TMEM178B: variants seen among roughly 807,000 people sequenced by gnomAD.
TMEM178B encodes transmembrane protein 178B.
Under a neutral mutation model 31.0 loss-of-function variants are expected in TMEM178B, and 5 were observed. The ratio of observed to expected loss-of-function variants is 0.16; its 90% CI spans 0.08 to 0.34. TMEM178B has a LOEUF of 0.34. Among genes scored for constraint, TMEM178B ranks in the 10% least tolerant of loss-of-function variants. The pLI is 1.00. For missense variants in TMEM178B, 275 were observed against 400.3 expected (o/e 0.69, Z 2.67); for synonymous variants, 164 against 164.0 (o/e 1.00, Z 0.00).
chr7:141,402,380 G>A (rs1051720706), intron 2 of TMEM178B, among the ~76,000 whole-genome samples: 7 of 152,170 alleles, frequency 4.6e-5, no homozygotes, highest in Non-Finnish European at 1.0e-4. Flanking sequence ...ATGGGAGTCC[G>A]GTCTCTTTCA....
chr7:141,369,764 C>T (rs116287380), intron 2 of TMEM178B, among the ~76,000 whole-genome samples: 243 of 152,204 alleles, frequency 1.6e-3, no homozygotes, highest in African/African-American at 5.1e-3. Context: ...CCCCTGGAGC[C>T]GGGATTACTT....
At chr7:141,183,559 G>C (rs1262960619) in intron 1 of TMEM178B, among the ~76,000 whole-genome samples, 1 of 152,154 alleles carries the variant, frequency 6.6e-6, no homozygotes, top group Non-Finnish European at 1.5e-5. Flanking sequence ...TGATGTGTTA[G>C]TCACCACATA....
At chr7:141,078,689 G>A (rs1794636538) in intron 1 of TMEM178B, among the ~76,000 whole-genome samples, 1 of 152,192 alleles carries the variant, frequency 6.6e-6, no homozygotes. Flanking sequence ...TAGGCAGGAG[G>A]AGGTTAGGGA....
At chr7:141,411,317 A>T (rs1436706286) in intron 2 of TMEM178B, among the ~76,000 whole-genome samples, 1 of 152,216 alleles carries the variant, frequency 6.6e-6, no homozygotes, top group Non-Finnish European at 1.5e-5. Context: ...TTAGTTCGGG[A>T]AGATGAACAG....
chr7:141,378,269 G>A (rs1174895729), intron 2 of TMEM178B, among the ~76,000 whole-genome samples: 3 of 152,172 alleles, frequency 2.0e-5, no homozygotes, highest in South Asian at 2.1e-4. Context: ...ATGACTTATT[G>A]CTGGTGAAGT....
chr7:141,408,364 A>T (rs559432319), intron 2 of TMEM178B, among the ~76,000 whole-genome samples: 1 of 152,294 alleles, frequency 6.6e-6, no homozygotes, highest in South Asian at 2.1e-4. Flanking sequence ...TGTGCCAAGC[A>T]CTGTATTAGA....
intron 1 of TMEM178B, among the ~76,000 whole-genome samples, chr7:141,211,690 C>A (rs912967862): frequency 1.3e-5 from 2 of 152,120 alleles, no homozygotes; most frequent in African/African-American, 4.8e-5. Flanking sequence ...CCGTGCCTTC[C>A]TTTTGGAATT....
chr7:141,139,458 C>G (rs1399746908), intron 1 of TMEM178B, among the ~76,000 whole-genome samples: 1 of 152,166 alleles, frequency 6.6e-6, no homozygotes, highest in Non-Finnish European at 1.5e-5. Context: ...CTCAAGAGAT[C>G]TTCCCACCTC....
intron 2 of TMEM178B, among the ~76,000 whole-genome samples, chr7:141,303,265 A>G (rs1798758300): frequency 6.6e-6 from 1 of 152,140 alleles, no homozygotes; most frequent in African/African-American, 2.4e-5. Context: ...GTCTAGCTGG[A>G]ATTATCGCCT....
chr7:141,506,215 A>G, the TMEM178B span, among the ~76,000 whole-genome samples: 1 of 152,260 alleles, frequency 6.6e-6, no homozygotes, highest in Non-Finnish European at 1.5e-5. Flanking sequence ...ATTAGATACT[A>G]GTTCCTAATA....
intron 1 of TMEM178B, 114 bp from the exon 2 acceptor site, chr7:141,212,476 AC>A (rs2129187837): frequency 1.3e-6 from 1 of 793,452 alleles, no homozygotes; most frequent in African/African-American, 1.7e-5. Context: ...TGTAGTTGTC[AC>A]CAGGCCCAAT....
intron 1 of TMEM178B, among the ~76,000 whole-genome samples, chr7:141,193,021 C>T (rs1796722750): frequency 6.6e-6 from 1 of 152,180 alleles, no homozygotes; most frequent in South Asian, 2.1e-4. Flanking sequence ...TGCCCATGCC[C>T]TCTATCTAAT....
At chr7:141,391,131 T>C (rs1045812837) in intron 2 of TMEM178B, among the ~76,000 whole-genome samples, 2 of 152,036 alleles carry the variant, frequency 1.3e-5, no homozygotes, top group Non-Finnish European at 2.9e-5. Flanking sequence ...GGCCAGGCTG[T>C]AGTTTACTGT....
At chr7:141,119,841 T>G (rs1370917805) in intron 1 of TMEM178B, among the ~76,000 whole-genome samples, 1 of 152,144 alleles carries the variant, frequency 6.6e-6, no homozygotes, top group East Asian at 1.9e-4. Context: ...CAGAGGGCAT[T>G]GCGGGCTCTC....
the TMEM178B span, among the ~76,000 whole-genome samples, chr7:141,492,267 G>A: frequency 1.3e-5 from 2 of 152,170 alleles, no homozygotes; most frequent in South Asian, 4.2e-4. Context: ...TCAGATCTTG[G>A]CTTACATGAC....
intron 2 of TMEM178B, among the ~76,000 whole-genome samples, chr7:141,333,284 C>T (rs1799327340): frequency 1.3e-5 from 2 of 152,150 alleles, no homozygotes; most frequent in Non-Finnish European, 2.9e-5. Flanking sequence ...CATTTTCTAC[C>T]CTCTTCACTT....
chr7:141,401,489 C>T (rs1205028771), intron 2 of TMEM178B, among the ~76,000 whole-genome samples: 1 of 152,214 alleles, frequency 6.6e-6, no homozygotes, highest in Non-Finnish European at 1.5e-5. Flanking sequence ...GATCATAGCT[C>T]ACTGCAGCCT....
At chr7:141,433,517 T>G (rs1801476755) in intron 2 of TMEM178B, among the ~76,000 whole-genome samples, 1 of 152,238 alleles carries the variant, frequency 6.6e-6, no homozygotes, top group Admixed American at 6.5e-5. Flanking sequence ...GACTTCCGTC[T>G]TTCTAAGAAA....
At chr7:141,394,288 T>A (rs1303593792) in intron 2 of TMEM178B, among the ~76,000 whole-genome samples, 1 of 152,242 alleles carries the variant, frequency 6.6e-6, no homozygotes, top group African/African-American at 2.4e-5. Context: ...AGATTTAGTG[T>A]CATGGCAAGA....
Sources: allele counts gnomAD v4.1 joint callset (sites outside exome capture counted in the v4.1 genomes callset), GRCh38; gene constraint gnomAD v4.1.1; transcripts MANE v1.5; gene names NCBI Gene and HGNC (gene_info 2026-07-23, HGNC 2026-07-21).